CARS1: variants seen among roughly 807,000 people sequenced by gnomAD.
The protein encoded by CARS1 is cysteine--tRNA ligase, cytoplasmic.
Under a neutral mutation model 106.2 loss-of-function variants are expected in CARS1, and 48 were observed. The ratio of observed to expected loss-of-function variants is 0.45; its 90% CI spans 0.36 to 0.57. The LOEUF (loss-of-function observed/expected upper bound fraction) is 0.57, where lower values mean the gene tolerates loss of function less well. CARS1 is among the 20% of genes least tolerant of loss of function. CARS1 has a pLI of 0.00. For missense variants in CARS1, 968 were observed against 1,057.2 expected, an observed-to-expected ratio of 0.92 and a Z score of 1.17; for synonymous variants, 409 against 403.4, an observed-to-expected ratio of 1.01 and a Z score of -0.17.
Position 3,057,372 on chromosome 11 carries a change from G to A in CARS1, c.-5C>T, listed in dbSNP as rs1856325662. 1 of 1,610,282 alleles carries A rather than the reference G, an allele frequency of 6.2e-7. No individual in the cohort carries two copies. The highest frequency in any genetic ancestry group is 1.3e-5 in the African/African-American group (1 of 75,020). ...CTGCCCGGAGGAATCTGCCATGGCT[G>A]GGAATCCCGGACCCGCAGCTGCGGC... On this transcript the variant is annotated 5_prime_UTR_variant, in exon 1 of 23. Transcript: ENST00000380525.
chr11:3,012,281 G>A lies in CARS1; in HGVS notation c.1987-5C>T, dbSNP rs556643985. The A allele has an allele frequency of 3.4e-5, 55 of 1,613,772 alleles. 1 individual carries two copies. The highest frequency in any genetic ancestry group is 8.8e-5 in the South Asian group (8 of 91,086). On this transcript the variant is annotated splice_region_variant and splice_polypyrimidine_tract_variant and intron_variant, in intron 17 of 22. Transcript: ENST00000380525. ...GGGCATGACTGTGGCCTCGAGCTGC[G>A]GAAAGAACAGTTTTGGTTCACTGAG...
At position 3,040,105 on chromosome 11, in the gene CARS1, A is replaced by T. The variant is rs1268197061; in HGVS notation, c.456-174T>A. 3 of 549,706 alleles carry T rather than the reference A, an allele frequency of 5.5e-6. No homozygotes were observed. The highest frequency in any genetic ancestry group is 9.5e-6 in the Non-Finnish European group (3 of 314,198). The allele number at this position is 549,706 out of a possible 1,614,324, so 34.1% of individuals were successfully genotyped here. A position where few individuals can be genotyped will look rare whatever the true frequency, so the allele number is the denominator to read the frequency against. On this transcript the variant is annotated intron_variant, in intron 4 of 22. Transcript: ENST00000380525. The surrounding 1 kb of genome is among the most constrained non-coding windows in gnomAD (Gnocchi z 5.8). ...TCTACTCAACGTGAAGATGGCAAGG[A>T]TGATGACCTTTATAATGATCCACTT...
chr11:3,028,308 C>CACCAA lies in CARS1; in HGVS notation c.1031+687_1031+688insTTGGT. On this transcript the variant is annotated intron_variant, in intron 9 of 22. Coordinates refer to ENST00000380525, the MANE Select transcript of CARS1 (RefSeq NM_001014437.3). The surrounding 1 kb of genome is among the most constrained non-coding windows in gnomAD (Gnocchi z 4.4). ...GCAGCCTGGCATTCGGGGCCACTAC[C>CACCAA]GGTCTCCGCGTCTTGGTGGTAGTGG... is the stretch of plus-strand genomic sequence containing the variant. 1 of 535,548 alleles carries CACCAA rather than the reference C, an allele frequency of 1.9e-6. No homozygotes were observed. The allele number at this position is 535,548 out of a possible 1,614,324, so 33.2% of individuals were successfully genotyped here.
At chr11:3,051,709 G>A (rs911018241) in intron 1 of CARS1, among the ~76,000 whole-genome samples, 45 of 152,166 alleles carry the variant, frequency 3.0e-4, no homozygotes, top group African/African-American at 9.7e-4. Context: ...GGACAGAGCT[G>A]GAAGGTGAGC....
rs560023429 is a variant in CARS1, at chr11:3,003,884, C to A, written c.2218-1284G>T. Among the ~76,000 whole-genome samples the A allele has an allele frequency of 2.0e-4, 30 of 152,276 alleles. No homozygotes were observed. Among genetic ancestry groups the A allele is most frequent in the African/African-American group, 7.0e-4 (29 of 41,554 alleles). On this transcript the variant is annotated intron_variant, in intron 20 of 22. Coordinates refer to ENST00000380525, the MANE Select transcript of CARS1 (RefSeq NM_001014437.3). The surrounding 1 kb of genome is among the most constrained non-coding windows in gnomAD (Gnocchi z 4.8). Reference sequence around the variant, plus strand: ...CAGCAGCTTGGTGAGGTAAGAGTCCCTTGGTTGGGAAACAGGAGCTACTAG... The same window carrying A: ...CAGCAGCTTGGTGAGGTAAGAGTCCATTGGTTGGGAAACAGGAGCTACTAG...
chr11:3,021,178 C>T lies in CARS1; in HGVS notation c.1154-846G>A, dbSNP rs1176053709. Among the ~76,000 whole-genome samples, 1 of 152,214 alleles carries T rather than the reference C, an allele frequency of 6.6e-6. No homozygotes were observed. The highest frequency in any genetic ancestry group is 1.5e-5 in the Non-Finnish European group (1 of 68,024). On this transcript the variant is annotated intron_variant, in intron 10 of 22. Coordinates refer to ENST00000380525, the MANE Select transcript of CARS1 (RefSeq NM_001014437.3). This position sits in a 1 kb window ranked among gnomAD's most constrained non-coding sequence, Gnocchi z 5.3. ...TGCAGATTTCTCTCAACAATACATG[C>T]AGGACCAATGGAAAAGATTAGCTGC...
In CARS1 at chr11:3,022,714, C is replaced by T. The variant is rs965076311; in HGVS notation, c.1154-2382G>A. On this transcript the variant is annotated intron_variant, in intron 10 of 22. Transcript: ENST00000380525. This position sits in a 1 kb window ranked among gnomAD's most constrained non-coding sequence, Gnocchi z 4.9. ...TCTCTCCCACTGGGGGAGCTTCCTC[C>T]CTGCACTAGGCCTTCCTGCCACGTG... 6.6e-6 allele frequency among the ~76,000 whole-genome samples: 1 copy of T among 152,236 alleles called. No individual in the cohort carries two copies. Among genetic ancestry groups the T allele is most frequent in the South Asian group, 2.1e-4 (1 of 4,830 alleles).
chr11:3,011,584 A>G (rs1294064992), intron 18 of CARS1, among the ~76,000 whole-genome samples: 1 of 152,220 alleles, frequency 6.6e-6, no homozygotes, highest in African/African-American at 2.4e-5. Context: ...ACTGCACTCC[A>G]GCCTGGGAGA....
At chr11:3,005,533 G>T in intron 19 of CARS1, 100 bp from the exon 20 acceptor site, 1 of 855,016 alleles carries the variant, frequency 1.2e-6, no homozygotes, top group Non-Finnish European at 1.9e-6. Flanking sequence ...ACCATGCGGT[G>T]CTGCCCAGTC....
At position 3,035,869 on chromosome 11, in the gene CARS1, A is replaced by G. The variant is rs1479735721; in HGVS notation, c.801+2181T>C. ...TCTGCCACCTGAGAAAGGCCTGCCT[A>G]CAGAGCTGGCCATTAGCTGGCATCC... is the stretch of plus-strand genomic sequence containing the variant. On this transcript the variant is annotated intron_variant, in intron 7 of 22. Coordinates refer to ENST00000380525, the MANE Select transcript of CARS1 (RefSeq NM_001014437.3). Among the ~76,000 whole-genome samples the G allele has an allele frequency of 3.9e-5, 6 of 152,220 alleles. No individual in the cohort carries two copies. In the South Asian group the frequency reaches 1.2e-3, roughly 32 times the overall value.
chr11:3,056,085 G>A (rs1430611035), intron 1 of CARS1, among the ~76,000 whole-genome samples: 2 of 152,200 alleles, frequency 1.3e-5, no homozygotes, highest in Non-Finnish European at 2.9e-5. Flanking sequence ...TGCCTGGAAG[G>A]TGACCACCTC....
At chr11:3,042,973 C>A (rs1443177682) in intron 2 of CARS1, among the ~76,000 whole-genome samples, 1 of 152,230 alleles carries the variant, frequency 6.6e-6, no homozygotes. Flanking sequence ...TCTGGGCCCA[C>A]AGCCCAGCAG....
rs184140241 is a variant in CARS1 at position 3,041,373 on chromosome 11, T to C, written c.367-389A>G. On this transcript the variant is annotated intron_variant, in intron 3 of 22. Coordinates refer to ENST00000380525, the MANE Select transcript of CARS1 (RefSeq NM_001014437.3). This position sits in a 1 kb window ranked among gnomAD's most constrained non-coding sequence, Gnocchi z 4.9. Reference sequence around the variant, plus strand: ...TCAATATGCAGTACACTCTAGGACGTAGGTTATGTCATTTTCTTTTTACGG... The same window carrying C: ...TCAATATGCAGTACACTCTAGGACGCAGGTTATGTCATTTTCTTTTTACGG... The C allele has an allele frequency of 2.7e-4, 50 of 182,278 alleles. No individual in the cohort carries two copies. The highest frequency in any genetic ancestry group is 8.6e-4 in the African/African-American group (36 of 42,040). The allele number at this position is 182,278 out of a possible 1,614,324, so 11.3% of individuals were successfully genotyped here.
Position 3,038,768 on chromosome 11 carries a change from A to G in CARS1, c.651+426T>C, listed in dbSNP as rs1854022165. 6.6e-6 allele frequency among the ~76,000 whole-genome samples: 1 copy of G among 152,258 alleles called. No individual in the cohort carries two copies. Among genetic ancestry groups the G allele is most frequent in the Non-Finnish European group, 1.5e-5 (1 of 68,044 alleles). ...CAGAATGAAAATACTAGAGAGAACT[A>G]ATTTCTTCAAAAGATTCTGAAAATT... is the stretch of plus-strand genomic sequence containing the variant. On this transcript the variant is annotated intron_variant, in intron 6 of 22. Coordinates refer to ENST00000380525, the MANE Select transcript of CARS1 (RefSeq NM_001014437.3). This position sits in a 1 kb window ranked among gnomAD's most constrained non-coding sequence, Gnocchi z 4.0.
In CARS1 at chr11:3,045,092, G is replaced by A. The variant is rs1037704157; in HGVS notation, c.274+2661C>T. On this transcript the variant is annotated intron_variant, in intron 2 of 22. Coordinates refer to ENST00000380525, the MANE Select transcript of CARS1 (RefSeq NM_001014437.3). The surrounding 1 kb of genome is among the most constrained non-coding windows in gnomAD (Gnocchi z 5.6). ...TCCCGGGGGGTAGGGAGAGGCCGGC[G>A]GGCTGGAAGGGCTGAGCCTCCACTG... Among the ~76,000 whole-genome samples the A allele has an allele frequency of 7.4e-4, 113 of 152,094 alleles. 1 individual carries two copies. The highest frequency in any genetic ancestry group is 2.6e-3 in the African/African-American group (108 of 41,530).
At chr11:3,018,945 T>TTGCCAAAGGC (rs1851303466) in intron 12 of CARS1, among the ~76,000 whole-genome samples, 194 bp downstream of exon 12, 1 of 152,170 alleles carries the variant, frequency 6.6e-6, no homozygotes, top group East Asian at 1.9e-4. Context: ...TCCAGGCTAG[T>TTGCCAAAGGC]CTGTTGCCAA....
In CARS1 at chr11:3,043,697, G is replaced by A. The variant is rs1489000782; in HGVS notation, c.275-1441C>T. 6.6e-6 allele frequency among the ~76,000 whole-genome samples: 1 copy of A among 152,108 alleles called. No homozygotes were observed. Among genetic ancestry groups the A allele is most frequent in the Non-Finnish European group, 1.5e-5 (1 of 68,020 alleles). On this transcript the variant is annotated intron_variant, in intron 2 of 22. Transcript: ENST00000380525. This position sits in a 1 kb window ranked among gnomAD's most constrained non-coding sequence, Gnocchi z 4.0. ...GCCACACACTGATCACGGGGAAGTT[G>A]GTCCTGGGCACCAGCCATCTCTTGG...
At position 3,018,431 on chromosome 11, in the gene CARS1, G is replaced by A; in HGVS notation, c.1606C>T (p.Leu536Phe). The change falls in exon 14 of 23, where the codon CTT becomes TTT. Residue 536 changes from leucine (L) to phenylalanine (F), a missense_variant. Transcript: ENST00000380525. The stretch of plus-strand genomic sequence containing the variant: ...ACATTCAAGAACTTCTCATATTGAA[G>A]CGCTGACTCCATGGTGTTGCTGGAG... ...DYSSNTMESALQYEKFLNEFF... is the reference protein window; with the variant it reads ...DYSSNTMESAFQYEKFLNEFF... 6.2e-7 allele frequency: 1 copy of A among 1,613,750 alleles called. No homozygotes were observed. Among genetic ancestry groups the A allele is most frequent in the Non-Finnish European group, 8.5e-7 (1 of 1,179,650 alleles).
At chr11:3,009,806 G>A (rs144168949) in intron 18 of CARS1, among the ~76,000 whole-genome samples, 33 of 152,302 alleles carry the variant, frequency 2.2e-4, no homozygotes, top group African/African-American at 7.5e-4. Flanking sequence ...GATCCCAGCT[G>A]ATCTGAGGGC....
Sources: gnomAD v4.1 joint callset for allele counts (sites outside exome capture counted in the v4.1 genomes callset) on GRCh38, gnomAD v4.1.1 for gene constraint, Gnocchi (gnomAD v3.1) non-coding constraint, MANE v1.5 for transcripts, NCBI Gene and HGNC (gene_info 2026-07-23, HGNC 2026-07-21) for gene names.